TTC28: variants seen among roughly 807,000 people sequenced by gnomAD.
The protein encoded by TTC28 is tetratricopeptide repeat protein 28.
Under a neutral mutation model 198.0 loss-of-function variants are expected in TTC28, and 61 were observed. The observed-to-expected ratio is 0.31, with a 90% CI of 0.25 to 0.38. The LOEUF (loss-of-function observed/expected upper bound fraction) is 0.38, where lower values mean the gene tolerates loss of function less well. TTC28 is among the 10% of genes least tolerant of loss of function. The pLI is 1.00. For synonymous variants in TTC28, 1,171 were observed against 1,297.8 expected (o/e 0.90, Z 2.10); for missense variants, 2,678 against 3,164.0 (o/e 0.85, Z 3.69).
intron 2 of TTC28, among the ~76,000 whole-genome samples, chr22:28,537,803 A>C (rs1337587860): frequency 6.6e-6 from 1 of 152,206 alleles, no homozygotes; most frequent in African/African-American, 2.4e-5. Context: ...GACAGCTAAT[A>C]AACTAGGGTA....
chr22:28,490,528 GC>G (rs1179513867), intron 2 of TTC28, among the ~76,000 whole-genome samples: 1 of 152,152 alleles, frequency 6.6e-6, no homozygotes, highest in Admixed American at 6.6e-5. Context: ...CCTACGACGT[GC>G]CCAGAATGAA....
intron 2 of TTC28, among the ~76,000 whole-genome samples, chr22:28,606,499 A>G (rs2050739064): frequency 6.6e-6 from 1 of 152,164 alleles, no homozygotes; most frequent in African/African-American, 2.4e-5. Context: ...ATATTGTAAA[A>G]GGTCTCAAAA....
At chr22:28,456,755 T>C (rs1421685276) in intron 2 of TTC28, among the ~76,000 whole-genome samples, 2 of 152,190 alleles carry the variant, frequency 1.3e-5, no homozygotes, top group East Asian at 3.9e-4. Flanking sequence ...TTTGTATTTT[T>C]AGTAGAGACG....
chr22:28,441,782 CAG>C (rs1385671027), intron 2 of TTC28, among the ~76,000 whole-genome samples: 5 of 150,558 alleles, frequency 3.3e-5, no homozygotes, highest in Non-Finnish European at 7.4e-5. Flanking sequence ...CAGCGGCTAA[CAG>C]AGACAGGTCA....
chr22:28,661,704 G>C (rs192085401), intron 1 of TTC28, among the ~76,000 whole-genome samples: 1 of 151,950 alleles, frequency 6.6e-6, no homozygotes, highest in Non-Finnish European at 1.5e-5. Flanking sequence ...TGCCTCCCAG[G>C]TTCAAGCAAT....
chr22:28,378,733 A>G (rs2046451331), intron 2 of TTC28, among the ~76,000 whole-genome samples: 1 of 152,186 alleles, frequency 6.6e-6, no homozygotes, highest in African/African-American at 2.4e-5. Flanking sequence ...AGATTTGAAG[A>G]TATACCAATT....
intron 1 of TTC28, among the ~76,000 whole-genome samples, chr22:28,645,810 G>A (rs538347947): frequency 2.0e-5 from 3 of 152,154 alleles, no homozygotes; most frequent in African/African-American, 7.2e-5. Context: ...GCATCCTTTT[G>A]TGATTAAGGG....
chr22:28,485,016 T>C (rs940603616), intron 2 of TTC28, among the ~76,000 whole-genome samples: 1 of 152,224 alleles, frequency 6.6e-6, no homozygotes. Flanking sequence ...CATGATATTA[T>C]GACAGGGTTA....
intron 12 of TTC28, among the ~76,000 whole-genome samples, chr22:28,068,305 C>G (rs1222815248): frequency 6.6e-6 from 1 of 152,152 alleles, no homozygotes; most frequent in Admixed American, 6.5e-5. Flanking sequence ...ATCAGTCAGT[C>G]TTCTGAGACT....
intron 2 of TTC28, among the ~76,000 whole-genome samples, chr22:28,628,731 G>C (rs989120251): frequency 6.6e-6 from 1 of 152,106 alleles, no homozygotes; most frequent in Non-Finnish European, 1.5e-5. Flanking sequence ...CTTGAGCTCA[G>C]GAGTTCGAGA....
At chr22:28,209,043 G>A (rs1300637324) in intron 5 of TTC28, among the ~76,000 whole-genome samples, 1 of 152,144 alleles carries the variant, frequency 6.6e-6, no homozygotes, top group East Asian at 1.9e-4. Context: ...AACAGCCTTA[G>A]CATACATCAA....
chr22:28,598,683 G>C (rs971584044), intron 2 of TTC28, among the ~76,000 whole-genome samples: 2 of 152,118 alleles, frequency 1.3e-5, no homozygotes, highest in African/African-American at 4.8e-5. Flanking sequence ...ATGATTTATA[G>C]ATTATCCTGG....
chr22:28,501,623 A>G (rs937173578), intron 2 of TTC28, among the ~76,000 whole-genome samples: 8 of 152,202 alleles, frequency 5.3e-5, no homozygotes, highest in Non-Finnish European at 1.0e-4. Context: ...CTTATTCATT[A>G]CACATTCTAG....
chr22:28,674,747 A>G (rs2051952154), intron 1 of TTC28, among the ~76,000 whole-genome samples: 1 of 149,176 alleles, frequency 6.7e-6, no homozygotes, highest in African/African-American at 2.5e-5. Flanking sequence ...TGAACCCAGG[A>G]GGCAGAGGTT....
chr22:28,495,460 C>T (rs185325035), intron 2 of TTC28, among the ~76,000 whole-genome samples: 1 of 152,286 alleles, frequency 6.6e-6, no homozygotes, highest in East Asian at 1.9e-4. Flanking sequence ...ACCTCGAGTA[C>T]TACAATCATT....
At chr22:28,494,104 C>T (rs905173080) in intron 2 of TTC28, among the ~76,000 whole-genome samples, 1 of 152,128 alleles carries the variant, frequency 6.6e-6, no homozygotes, top group Admixed American at 6.5e-5. Context: ...GATAATGGTG[C>T]AGCCATATGG....
intron 2 of TTC28, among the ~76,000 whole-genome samples, chr22:28,495,357 T>C (rs1218564913): frequency 6.6e-6 from 1 of 152,120 alleles, no homozygotes. Flanking sequence ...AGGATCAAGA[T>C]TTTAAAGTGC....
intron 1 of TTC28, among the ~76,000 whole-genome samples, chr22:28,637,289 G>A (rs1476019850): frequency 6.6e-6 from 1 of 152,168 alleles, no homozygotes; most frequent in Non-Finnish European, 1.5e-5. Context: ...TGGGATTATA[G>A]GCGTGAGCCA....
At chr22:28,069,465 T>C (rs1940880015) in intron 12 of TTC28, among the ~76,000 whole-genome samples, 1 of 152,188 alleles carries the variant, frequency 6.6e-6, no homozygotes, top group African/African-American at 2.4e-5. Flanking sequence ...TGAGAGGCTC[T>C]AATAGGAAGT....
Sources: gnomAD v4.1 joint callset for allele counts (sites outside exome capture counted in the v4.1 genomes callset) on GRCh38, gnomAD v4.1.1 for gene constraint, MANE v1.5 for transcripts, NCBI Gene and HGNC (gene_info 2026-07-23, HGNC 2026-07-21) for gene names.